The following SP4 variants were observed in gnomAD, a reference collection of about 807,000 sequenced individuals.
The protein encoded by SP4 is Sp4 transcription factor.
In SP4, 19 loss-of-function variants were observed where a neutral mutation model predicts 72.8. The ratio of observed to expected loss-of-function variants is 0.26; its 90% confidence interval spans 0.18 to 0.38. SP4 has a LOEUF of 0.38. SP4 is among the 10% of genes least tolerant of loss of function. The pLI is 1.00. For synonymous variants in SP4, 395 were observed against 333.1 expected, an observed-to-expected ratio of 1.19 and a Z score of -2.02; for missense variants, 1,008 against 926.3, an observed-to-expected ratio of 1.09 and a Z score of -1.14.
chr7:21,470,500 GT>G (rs1372942739), intron 3 of SP4, among the ~76,000 whole-genome samples: 1 of 152,126 alleles, frequency 6.6e-6, no homozygotes, highest in African/African-American at 2.4e-5. Flanking sequence ...AGAGAACTAG[GT>G]TATTCTATAT....
In SP4 at chr7:21,458,476, G is replaced by A. The variant is rs114547225; in HGVS notation, c.1679-18603G>A. 9.9e-3 allele frequency among the ~76,000 whole-genome samples: 1,509 copies of A among 152,208 alleles called. 21 individuals are homozygous for A. Among genetic ancestry groups the A allele is most frequent in the African/African-American group, 0.035 (1,436 of 41,538 alleles). On this transcript the variant is annotated intron_variant, in intron 3 of 5. Coordinates refer to ENST00000222584, the MANE Select transcript of SP4 (RefSeq NM_003112.5). ...TGGGAGTACAGCCGTGAGCCACTGC[G>A]TCCGGCCAGTTTATGTCTATAAATG...
chr7:21,452,552 A>C (rs1452568261), intron 3 of SP4, among the ~76,000 whole-genome samples: 1 of 152,194 alleles, frequency 6.6e-6, no homozygotes, highest in African/African-American at 2.4e-5. Context: ...TCTTGGCTTT[A>C]TAAGTCAATT....
intron 3 of SP4, among the ~76,000 whole-genome samples, chr7:21,446,260 C>T (rs1333196993): frequency 6.6e-6 from 1 of 152,130 alleles, no homozygotes; most frequent in African/African-American, 2.4e-5. Flanking sequence ...TATCCTTACC[C>T]TAAGCCACAA....
intron 3 of SP4, among the ~76,000 whole-genome samples, chr7:21,468,518 ATTTT>A: frequency 6.9e-6 from 1 of 145,122 alleles, no homozygotes; most frequent in Non-Finnish European, 1.5e-5. Context: ...TATGAATGGA[ATTTT>A]TTTTTTTTCT....
Position 21,477,192 on chromosome 7 carries a change from C to T in SP4, c.1792C>T (p.Leu598Phe), listed in dbSNP as rs1784525305. The part of the protein sequence containing the change: ...ATIGAVSPDQ[L>F]TQVHLQQGQQ... ...GATAGGTGCTGTTAGTCCTGACCAA[C>T]TCACACAAGTGCATTTGCAGCAAGG... Residue 598 changes from leucine to phenylalanine, a missense_variant, in exon 4 of 6, where the codon CTC becomes TTC. Leu to Phe is a conservative substitution (Grantham distance 22). Around this residue, in one of 3 missense-constraint regions of SP4, gnomAD observed 893 missense variants for 743.3 expected, o/e 1.20. Transcript: ENST00000222584. The T allele has an allele frequency of 1.2e-6, 2 of 1,614,158 alleles. No individual in the cohort carries two copies. The highest frequency in any genetic ancestry group is 8.5e-7 in the Non-Finnish European group (1 of 1,179,966).
chr7:21,481,920 C>T lies in SP4; in HGVS notation c.1908-4C>T. On this transcript the variant is annotated splice_polypyrimidine_tract_variant and splice_region_variant and intron_variant, in intron 4 of 5. Coordinates refer to ENST00000222584, the MANE Select transcript of SP4 (RefSeq NM_003112.5). ...AATTAATGTTCGGTTTTTGTTTTTGCTAGAGGCAGTAATGAACCAGGAAAA... is the reference window on the plus strand; with the variant it reads ...AATTAATGTTCGGTTTTTGTTTTTGTTAGAGGCAGTAATGAACCAGGAAAA... The T allele has an allele frequency of 6.2e-7, 1 of 1,609,940 alleles. No individual in the cohort carries two copies. The highest frequency in any genetic ancestry group is 8.5e-7 in the Non-Finnish European group (1 of 1,177,060).
chr7:21,460,412 G>A (rs972395131), intron 3 of SP4, among the ~76,000 whole-genome samples: 1 of 151,800 alleles, frequency 6.6e-6, no homozygotes, highest in African/African-American at 2.4e-5. Flanking sequence ...TCGTGGTCTC[G>A]CTGGCTTCAG....
chr7:21,428,112 A>AG lies in SP4; in HGVS notation c.-139dup. 1.4e-6 allele frequency: 1 copy of AG among 690,544 alleles called. No homozygotes were observed. The highest frequency in any genetic ancestry group is 2.1e-5 in the Admixed American group (1 of 47,962). The allele number at this position is 690,544 out of a possible 1,614,324, so 42.8% of individuals were successfully genotyped here. The stretch of plus-strand genomic sequence containing the variant: ...CCCAGCGGCGGCCATTCGCGGAAAA[A>AG]GAGGCAGAGCCTGTGCCAGCTACAG... On this transcript the variant is annotated 5_prime_UTR_variant, in exon 1 of 6. Transcript: ENST00000222584.
intron 3 of SP4, among the ~76,000 whole-genome samples, chr7:21,457,079 T>G (rs12670598): frequency 0.37 from 56,596 of 152,102 alleles, 11,021 homozygotes; most frequent in East Asian, 0.67. Flanking sequence ...GAGTCACATG[T>G]CACCAAAGTA....
At chr7:21,434,410 G>A (rs1782977649) in intron 3 of SP4, among the ~76,000 whole-genome samples, 1 of 152,180 alleles carries the variant, frequency 6.6e-6, no homozygotes, top group Non-Finnish European at 1.5e-5. Context: ...GAGAATGTTA[G>A]CAACAACCTA....
chr7:21,488,589 C>A (rs1784887519), intron 5 of SP4, among the ~76,000 whole-genome samples: 1 of 150,232 alleles, frequency 6.7e-6, no homozygotes, highest in African/African-American at 2.5e-5. Flanking sequence ...ATGCTGCTCT[C>A]TTAAACTTTA....
chr7:21,507,874 C>T (rs892945367), intron 5 of SP4, among the ~76,000 whole-genome samples: 1 of 152,144 alleles, frequency 6.6e-6, no homozygotes, highest in African/African-American at 2.4e-5. Flanking sequence ...CATTCTTTGT[C>T]CATTCTCCTC....
intron 5 of SP4, among the ~76,000 whole-genome samples, chr7:21,496,387 C>T (rs982358525): frequency 1.3e-5 from 2 of 152,190 alleles, no homozygotes; most frequent in South Asian, 2.1e-4. Context: ...GTGCATGCCT[C>T]AGTATCAGGC....
At chr7:21,462,182 A>G (rs1330699630) in intron 3 of SP4, among the ~76,000 whole-genome samples, 1 of 151,902 alleles carries the variant, frequency 6.6e-6, no homozygotes. Context: ...TGCTGCCACC[A>G]GGCCCAGCTA....
chr7:21,435,623 A>T (rs1783026345), intron 3 of SP4, among the ~76,000 whole-genome samples: 1 of 152,136 alleles, frequency 6.6e-6, no homozygotes, highest in African/African-American at 2.4e-5. Context: ...GTGTTTGGCT[A>T]GTCTTTTTTC....
chr7:21,440,327 A>T (rs1783200930), intron 3 of SP4, among the ~76,000 whole-genome samples: 1 of 152,212 alleles, frequency 6.6e-6, no homozygotes, highest in African/African-American at 2.4e-5. Context: ...TGTAAAGAAA[A>T]CTGTATGCAG....
At chr7:21,448,219 T>C (rs1783484949) in intron 3 of SP4, among the ~76,000 whole-genome samples, 1 of 152,242 alleles carries the variant, frequency 6.6e-6, no homozygotes, top group South Asian at 2.1e-4. Context: ...GGAAGTAATG[T>C]CTTAGAAAGT....
chr7:21,452,111 A>T (rs920117882), intron 3 of SP4, among the ~76,000 whole-genome samples: 2 of 152,348 alleles, frequency 1.3e-5, no homozygotes, highest in African/African-American at 4.8e-5. Context: ...ATAACAACTG[A>T]TGAGACTAAA....
Position 21,482,718 on chromosome 7 carries a change from C to T in SP4, c.2107+595C>T, listed in dbSNP as rs1189973950. ...TTTACGTACACTTTTAATACTCTGA[C>T]ATATATGATTAATGGATCTACATAA... On this transcript the variant is annotated intron_variant, in intron 5 of 5. Transcript: ENST00000222584. The T allele has an allele frequency of 8.2e-6, 8 of 973,682 alleles. No individual in the cohort carries two copies. The African/African-American group carries it at 1.4e-4, about 17-fold the overall frequency. 60.3% of individuals were successfully genotyped at this position (973,682 alleles called of 1,614,324 possible). A position where few individuals can be genotyped will look rare whatever the true frequency, so the allele number is the denominator to read the frequency against.
Sources: gnomAD v4.1 joint callset for allele counts (sites outside exome capture counted in the v4.1 genomes callset) on GRCh38, gnomAD v4.1.1 for gene constraint, gnomAD v4.1.1 regional missense constraint, MANE v1.5 for transcripts, NCBI Gene and HGNC (gene_info 2026-07-23, HGNC 2026-07-21) for gene names.